Variants in SHANK2 observed in about 807,000 individuals in gnomAD.
The protein encoded by SHANK2 is SH3 and multiple ankyrin repeat domains 2.
In SHANK2, 43 loss-of-function variants were observed where a neutral mutation model predicts 133.7. That is an observed-to-expected ratio of 0.32 (90% CI 0.25 to 0.41). SHANK2 has a LOEUF of 0.41. Ranked by LOEUF, SHANK2 falls within the 10% of genes least tolerant of loss-of-function variation. The probability of loss-of-function intolerance (pLI) is 1.00; values close to 1 mark genes in which losing one functional copy is unlikely to be tolerated. For synonymous variants in SHANK2, 1,017 were observed against 952.8 expected, an observed-to-expected ratio of 1.07 and a Z score of -1.24; for missense variants, 1,994 against 2,235.8, an observed-to-expected ratio of 0.89 and a Z score of 2.18.
At chr11:70,661,195 A>AG (rs2061482709) in intron 16 of SHANK2, among the ~76,000 whole-genome samples, 1 of 152,196 alleles carries the variant, frequency 6.6e-6, no homozygotes, top group Non-Finnish European at 1.5e-5. Context: ...AACTCAGGCC[A>AG]GGGCAATCCT....
At chr11:70,928,091 T>C (rs1950453102) in intron 10 of SHANK2, among the ~76,000 whole-genome samples, 1 of 152,176 alleles carries the variant, frequency 6.6e-6, no homozygotes, top group Non-Finnish European at 1.5e-5. Flanking sequence ...TGTACACATA[T>C]ATACATGTAT....
At chr11:71,114,672 A>G (rs1951947064) in intron 4 of SHANK2, among the ~76,000 whole-genome samples, 1 of 152,152 alleles carries the variant, frequency 6.6e-6, no homozygotes, top group African/African-American at 2.4e-5. Context: ...GAGGAGCTAC[A>G]GGCCCATTTT....
intron 1 of SHANK2, among the ~76,000 whole-genome samples, chr11:71,232,602 A>T (rs1171953594): frequency 6.6e-6 from 1 of 152,040 alleles, no homozygotes; most frequent in Non-Finnish European, 1.5e-5. Context: ...GACAATGCAG[A>T]TGAAACCTTT....
chr11:70,830,403 A>T lies in SHANK2; in HGVS notation c.1175-9721T>A, dbSNP rs1312285652. On this transcript the variant is annotated intron_variant, in intron 11 of 25. Coordinates refer to ENST00000601538, the MANE Select transcript of SHANK2 (RefSeq NM_012309.5). This position sits in a 1 kb window ranked among gnomAD's most constrained non-coding sequence, Gnocchi z 4.4. ...TGGGGTTATTGCAGGAGACGAGCTCACCCCTGAGCCCCAGGTAGATGGTTC... is the reference window on the plus strand; with the variant it reads ...TGGGGTTATTGCAGGAGACGAGCTCTCCCCTGAGCCCCAGGTAGATGGTTC... Among the ~76,000 whole-genome samples the T allele has an allele frequency of 1.3e-5, 2 of 152,038 alleles. No individual in the cohort carries two copies. The highest frequency in any genetic ancestry group is 2.9e-5 in the Non-Finnish European group (2 of 68,008).
intron 10 of SHANK2, among the ~76,000 whole-genome samples, chr11:70,901,956 G>A (rs1415614779): frequency 2.6e-5 from 4 of 152,190 alleles, no homozygotes; most frequent in African/African-American, 9.6e-5. Context: ...TGGCTTCTGC[G>A]GCTAGGAGGT....
chr11:71,191,992 C>G (rs1251272390), intron 2 of SHANK2, among the ~76,000 whole-genome samples: 1 of 152,148 alleles, frequency 6.6e-6, no homozygotes, highest in Non-Finnish European at 1.5e-5. Flanking sequence ...TCCTGAATAG[C>G]TGGGACTACA....
At chr11:70,552,928 G>A (rs2059788193) in intron 17 of SHANK2, among the ~76,000 whole-genome samples, 1 of 152,096 alleles carries the variant, frequency 6.6e-6, no homozygotes, top group East Asian at 1.9e-4. Flanking sequence ...TGAGAGCAAC[G>A]TATCTCAGCG....
At position 70,485,420 on chromosome 11, in the gene SHANK2, T is replaced by C; in HGVS notation, c.4873A>G (p.Ser1625Gly). 6.2e-7 allele frequency: 1 copy of C among 1,614,030 alleles called. No homozygotes were observed. The highest frequency in any genetic ancestry group is 8.5e-7 in the Non-Finnish European group (1 of 1,180,028). The change falls in exon 25 of 26, where the codon AGT (serine) becomes GGT (glycine). Residue 1625 changes from serine (S) to glycine (G), a missense_variant. Transcript: ENST00000601538. This position sits in a 1 kb window ranked among gnomAD's most constrained non-coding sequence, Gnocchi z 5.8. ...TGCTGTAGGATAGAGTTCAATTCAC[T>C]AATAACGTTTGCCTTTGGGCCTGAG... Reference protein sequence around the residue: ...ILSGPKANVISELNSILQQMN... With the variant: ...ILSGPKANVIGELNSILQQMN...
In SHANK2 at chr11:70,882,184, G is replaced by GGAGT. The variant is rs1949669595; in HGVS notation, c.1174+14313_1174+14316dup. On this transcript the variant is annotated intron_variant, in intron 11 of 25. Transcript: ENST00000601538. This position sits in a 1 kb window ranked among gnomAD's most constrained non-coding sequence, Gnocchi z 4.2. ...AGCATGGAGGAGGAGGAGGAGGGAG[G>GGAGT]GAGTGGGGAAAGGGAAGGAATGAGC... 6.6e-6 allele frequency among the ~76,000 whole-genome samples: 1 copy of GGAGT among 152,162 alleles called. No individual in the cohort carries two copies.
intron 17 of SHANK2, among the ~76,000 whole-genome samples, chr11:70,529,333 C>T (rs555791031): frequency 3.3e-5 from 5 of 152,348 alleles, no homozygotes; most frequent in South Asian, 2.1e-4. Context: ...CCAGAGAAGG[C>T]GGGTGACTTG....
At chr11:70,624,272 ATCCTACCCCTCT>A (rs1327629006) in intron 17 of SHANK2, among the ~76,000 whole-genome samples, 1 of 152,004 alleles carries the variant, frequency 6.6e-6, no homozygotes, top group Non-Finnish European at 1.5e-5. Context: ...CCAGGCTTGC[ATCCTACCCCTCT>A]CCCCCATGGA....
At chr11:70,677,776 A>G (rs1555017556) in intron 15 of SHANK2, among the ~76,000 whole-genome samples, 2 of 152,036 alleles carry the variant, frequency 1.3e-5, no homozygotes, top group Non-Finnish European at 2.9e-5. Context: ...TCCCTCTCAC[A>G]CTGCTCTGCA....
chr11:70,896,633 T>G (rs541745529), intron 10 of SHANK2, 66 bp from the exon 11 acceptor site: 2 of 700,138 alleles, frequency 2.9e-6, no homozygotes, highest in African/African-American at 1.8e-5. Flanking sequence ...CATATACTAT[T>G]ACATCATTGA....
chr11:70,553,032 T>C (rs2059789388), intron 17 of SHANK2, among the ~76,000 whole-genome samples: 1 of 152,084 alleles, frequency 6.6e-6, no homozygotes, highest in African/African-American at 2.4e-5. Flanking sequence ...CCAAATCCCC[T>C]CTTAAGGACA....
At chr11:70,710,140 G>T (rs190739962) in intron 14 of SHANK2, among the ~76,000 whole-genome samples, 1 of 152,162 alleles carries the variant, frequency 6.6e-6, no homozygotes, top group Non-Finnish European at 1.5e-5. Context: ...GCGATTTTAG[G>T]GCTGCTGAGC....
intron 18 of SHANK2, 50 bp downstream of exon 18, chr11:70,502,746 C>G: frequency 1.0e-6 from 1 of 967,276 alleles, no homozygotes. Context: ...CCCCCACCCC[C>G]CCCCCCCAGT....
intron 2 of SHANK2, among the ~76,000 whole-genome samples, chr11:71,179,448 AG>A (rs1160346852): frequency 1.3e-5 from 2 of 152,246 alleles, no homozygotes; most frequent in African/African-American, 4.8e-5. Flanking sequence ...CAGAACTGGA[AG>A]GGAGTCTTCT....
chr11:70,752,748 C>T (rs868957590), intron 14 of SHANK2, among the ~76,000 whole-genome samples: 3 of 150,738 alleles, frequency 2.0e-5, no homozygotes, highest in African/African-American at 7.3e-5. Context: ...ACACGCCAGT[C>T]GTGAATAACC....
chr11:71,134,220 G>A (rs1555104345), intron 3 of SHANK2, among the ~76,000 whole-genome samples: 1 of 151,572 alleles, frequency 6.6e-6, no homozygotes, highest in African/African-American at 2.4e-5. Context: ...TCCACGTGCG[G>A]TGCCACCCCA....
Sources: gnomAD v4.1 joint callset for allele counts (sites outside exome capture counted in the v4.1 genomes callset) on GRCh38, gnomAD v4.1.1 for gene constraint, Gnocchi (gnomAD v3.1) non-coding constraint, MANE v1.5 for transcripts, NCBI Gene and HGNC (gene_info 2026-07-23, HGNC 2026-07-21) for gene names.